The following HIP1 variants were observed in gnomAD, a reference collection of about 807,000 sequenced individuals.
The protein encoded by HIP1 is huntingtin-interacting protein 1.
A neutral mutation model predicts 147.6 loss-of-function variants in HIP1; 65 were observed. That is an observed-to-expected ratio of 0.44 (90% confidence interval 0.36 to 0.54). The LOEUF (loss-of-function observed/expected upper bound fraction) is 0.54. HIP1 is among the 20% of genes least tolerant of loss of function. The pLI is 0.00. For synonymous variants in HIP1, 479 were observed against 504.0 expected (o/e 0.95, Z 0.67); for missense variants, 1,061 against 1,299.6 (o/e 0.82, Z 2.82).
chr7:75,619,291 G>A (rs959747061), intron 1 of HIP1, among the ~76,000 whole-genome samples: 3 of 152,162 alleles, frequency 2.0e-5, no homozygotes, highest in Non-Finnish European at 4.4e-5. Flanking sequence ...GGGAAGCCCA[G>A]GTGGGCGGAT....
chr7:75,617,871 C>G (rs1437631156), intron 1 of HIP1, among the ~76,000 whole-genome samples: 1 of 152,224 alleles, frequency 6.6e-6, no homozygotes, highest in African/African-American at 2.4e-5. Flanking sequence ...GCTCATTCCC[C>G]ATTCATCATA....
chr7:75,617,465 C>T (rs1797708626), intron 1 of HIP1, among the ~76,000 whole-genome samples: 1 of 152,192 alleles, frequency 6.6e-6, no homozygotes, highest in Non-Finnish European at 1.5e-5. Context: ...CATCCTCCTG[C>T]AGCGGCCTCC....
At position 75,544,660 on chromosome 7, in the gene HIP1, C is replaced by A; in HGVS notation, c.2766+35G>T. 3 of 1,293,556 alleles carry A rather than the reference C, an allele frequency of 2.3e-6. 1 individual carries two copies. 80.1% of individuals were successfully genotyped at this position (1,293,556 alleles called of 1,614,324 possible). On this transcript the variant is annotated intron_variant, in intron 27 of 30. Coordinates refer to ENST00000336926, the MANE Select transcript of HIP1 (RefSeq NM_005338.7). Reference sequence around the variant, plus strand: ...CTAGCCTAGTACTCTCTAACCAGGCCTTCCAGCGTCCTAGGAGGTCCAGCC... The same window carrying A: ...CTAGCCTAGTACTCTCTAACCAGGCATTCCAGCGTCCTAGGAGGTCCAGCC...
intron 1 of HIP1, among the ~76,000 whole-genome samples, chr7:75,668,653 G>A (rs1464006752): frequency 2.0e-5 from 3 of 152,102 alleles, no homozygotes; most frequent in African/African-American, 7.2e-5. Context: ...AAGCCATCAT[G>A]CCCTTGGGCC....
At chr7:75,617,760 C>T (rs1194499095) in intron 1 of HIP1, among the ~76,000 whole-genome samples, 6 of 152,226 alleles carry the variant, frequency 3.9e-5, no homozygotes, top group African/African-American at 1.4e-4. Context: ...GGGCTCCTCC[C>T]TTGTAAGGCT....
chr7:75,634,984 T>C (rs1219911595), intron 1 of HIP1, among the ~76,000 whole-genome samples: 2 of 149,322 alleles, frequency 1.3e-5, no homozygotes, highest in Non-Finnish European at 3.0e-5. Flanking sequence ...AAATGCCTTG[T>C]ATACTGTAAA....
intron 5 of HIP1, among the ~76,000 whole-genome samples, chr7:75,583,907 T>G (rs1244905643): frequency 7.4e-6 from 1 of 135,472 alleles, no homozygotes; most frequent in South Asian, 2.4e-4. Context: ...GGATTACAGG[T>G]GTGAGCCACC....
intron 21 of HIP1, 104 bp downstream of exon 21, chr7:75,554,008 GT>G (rs782142093): frequency 9.3e-5 from 72 of 774,188 alleles, no homozygotes; most frequent in Non-Finnish European, 1.4e-4. Flanking sequence ...GCCTCCCAAA[GT>G]GCTGGAGTTA....
intron 22 of HIP1, among the ~76,000 whole-genome samples, chr7:75,550,320 G>A (rs1209023642): frequency 2.0e-5 from 3 of 152,198 alleles, no homozygotes; most frequent in African/African-American, 7.2e-5. Context: ...AATCCTATTT[G>A]AACTTGTATG....
At chr7:75,697,726 C>T in intron 1 of HIP1, among the ~76,000 whole-genome samples, 1 of 152,158 alleles carries the variant, frequency 6.6e-6, no homozygotes, top group Non-Finnish European at 1.5e-5. Flanking sequence ...GCAGAAGAAT[C>T]GTTTGAGCCC....
rs2116890856 is a variant in HIP1 at position 75,573,816 on chromosome 7, C to T, written c.690G>A (p.Leu230=). 2.5e-6 allele frequency: 4 copies of T among 1,614,076 alleles called. No individual in the cohort carries two copies. The South Asian group carries it at 4.4e-5, about 18-fold the overall frequency. The change falls in exon 8 of 31, where the codon TTG becomes TTA. Residue 230 remains leucine, a synonymous_variant. Coordinates refer to ENST00000336926, the MANE Select transcript of HIP1 (RefSeq NM_005338.7). ...TGTAGTCATAAAGGTGGCTGCAGTC[C>T]AAGATGACCTGGATCAGCGGGGCGA... ...CRLAPLIQVI[L]DCSHLYDYTV...
rs187996415 is a variant in HIP1 at position 75,738,149 on chromosome 7, C to T, written c.120+652G>A. ...ACCCCAAGTCAGGGCTCAGGGGCAC[C>T]ATGGTCTCCACTTTAGCCCCCAAAG... is the stretch of plus-strand genomic sequence containing the variant. On this transcript the variant is annotated intron_variant, in intron 1 of 30. Coordinates refer to ENST00000336926, the MANE Select transcript of HIP1 (RefSeq NM_005338.7). 3.6e-3 allele frequency among the ~76,000 whole-genome samples: 546 copies of T among 152,304 alleles called. 3 individuals are homozygous for T. The highest frequency in any genetic ancestry group is 5.7e-3 in the Non-Finnish European group (386 of 68,016).
intron 1 of HIP1, among the ~76,000 whole-genome samples, chr7:75,638,070 G>T (rs1441254860): frequency 1.6e-5 from 2 of 128,354 alleles, no homozygotes; most frequent in Admixed American, 9.6e-5. Flanking sequence ...AGCCCTGATT[G>T]CCTCCCCCCT....
At chr7:75,592,652 G>A (rs1796543108) in intron 2 of HIP1, 138 bp from the exon 3 acceptor site, 1 of 879,908 alleles carries the variant, frequency 1.1e-6, no homozygotes, top group Admixed American at 3.0e-5. Context: ...GCCACTGCAG[G>A]GGACCAAGCC....
intron 1 of HIP1, among the ~76,000 whole-genome samples, chr7:75,713,825 C>T (rs749525575): frequency 9.2e-5 from 14 of 151,454 alleles, no homozygotes; most frequent in East Asian, 1.9e-4. Context: ...CTCAGCCTCC[C>T]GAGTAGCTGG....
intron 1 of HIP1, among the ~76,000 whole-genome samples, chr7:75,656,596 G>A (rs569640047): frequency 4.6e-4 from 70 of 152,236 alleles, no homozygotes; most frequent in African/African-American, 1.7e-3. Context: ...TCCTGCCTCA[G>A]CCTCTGGAGT....
chr7:75,546,841 G>C, intron 25 of HIP1, 98 bp downstream of exon 25: 1 of 849,540 alleles, frequency 1.2e-6, no homozygotes, highest in African/African-American at 1.7e-5. Flanking sequence ...TACTCAGGTG[G>C]ACACACAGAG....
At chr7:75,634,310 G>C (rs1485315528) in intron 1 of HIP1, among the ~76,000 whole-genome samples, 1 of 151,616 alleles carries the variant, frequency 6.6e-6, no homozygotes, top group Non-Finnish European at 1.5e-5. Flanking sequence ...GAGGCTCAGA[G>C]TCCACATATA....
At chr7:75,588,818 T>C (rs1279613645) in intron 4 of HIP1, among the ~76,000 whole-genome samples, 15 of 151,310 alleles carry the variant, frequency 9.9e-5, no homozygotes, top group African/African-American at 3.4e-4. Context: ...ACAAGCAGAT[T>C]TGAAAAAAAA....
Sources: gnomAD v4.1 joint callset for allele counts (sites outside exome capture counted in the v4.1 genomes callset) on GRCh38, gnomAD v4.1.1 for gene constraint, MANE v1.5 for transcripts, NCBI Gene and HGNC (gene_info 2026-07-23, HGNC 2026-07-21) for gene names.